Variants in VDAC1 observed in about 807,000 individuals in gnomAD.
VDAC1 encodes the protein voltage dependent anion channel 1.
A neutral mutation model predicts 34.7 loss-of-function variants in VDAC1; 10 were observed. The ratio of observed to expected loss-of-function variants is 0.29; its 90% CI spans 0.18 to 0.49. The LOEUF (loss-of-function observed/expected upper bound fraction) is 0.49. Among genes scored for constraint, VDAC1 ranks in the 20% least tolerant of loss-of-function variants. The pLI is 0.99. For missense variants in VDAC1, 230 were observed against 347.9 expected (o/e 0.66, Z 2.69); for synonymous variants, 130 against 136.0 (o/e 0.96, Z 0.30).
At chr5:134,045,453 T>C in the VDAC1 span, among the ~76,000 whole-genome samples, 1 of 152,182 alleles carries the variant, frequency 6.6e-6, no homozygotes, top group African/African-American at 2.4e-5. Flanking sequence ...TAGGGAAGAA[T>C]CATTTCCTTG....
the VDAC1 span, among the ~76,000 whole-genome samples, chr5:134,058,977 G>A: frequency 6.6e-6 from 1 of 152,222 alleles, no homozygotes; most frequent in African/African-American, 2.4e-5. Context: ...ATGCCCGCGT[G>A]CCAATGCAGA....
At chr5:134,076,160 G>T in the VDAC1 span, among the ~76,000 whole-genome samples, 1 of 151,996 alleles carries the variant, frequency 6.6e-6, no homozygotes, top group East Asian at 1.9e-4. Flanking sequence ...TGTATTTTTA[G>T]TAGAGACAGG....
At chr5:133,982,236 A>T (rs1257742446) in intron 5 of VDAC1, among the ~76,000 whole-genome samples, 3 of 152,248 alleles carry the variant, frequency 2.0e-5, no homozygotes, top group Admixed American at 2.0e-4. Context: ...ACTCGGGGCC[A>T]GGCGCAGTGG....
chr5:133,976,983 GC>G, intron 6 of VDAC1, among the ~76,000 whole-genome samples: 1 of 152,342 alleles, frequency 6.6e-6, no homozygotes, highest in East Asian at 1.9e-4. Flanking sequence ...GGCAGAGGTT[GC>G]AGTGAGCTGA....
intron 4 of VDAC1, 27 bp downstream of exon 4, chr5:133,990,975 T>C (rs1580722466): frequency 6.2e-7 from 1 of 1,611,980 alleles, no homozygotes; most frequent in Non-Finnish European, 8.5e-7. Flanking sequence ...AATTAATAAA[T>C]CCACATCTTT....
At chr5:133,998,977 T>C (rs961996648) in intron 1 of VDAC1, among the ~76,000 whole-genome samples, 1 of 151,970 alleles carries the variant, frequency 6.6e-6, no homozygotes, top group Non-Finnish European at 1.5e-5. Flanking sequence ...CCCCGCCTGG[T>C]AGAAATATGC....
intron 5 of VDAC1, among the ~76,000 whole-genome samples, chr5:133,983,978 T>C (rs898869638): frequency 5.3e-5 from 8 of 152,184 alleles, no homozygotes; most frequent in Admixed American, 4.6e-4. Context: ...GCCGAGCAGA[T>C]GCCTGTGCTC....
At chr5:134,053,247 G>A in the VDAC1 span, among the ~76,000 whole-genome samples, 4 of 152,192 alleles carry the variant, frequency 2.6e-5, no homozygotes. Context: ...TTTTAAATGA[G>A]GAAAATGAAG....
At chr5:134,034,346 G>A in the VDAC1 span, among the ~76,000 whole-genome samples, 1 of 152,154 alleles carries the variant, frequency 6.6e-6, no homozygotes, top group South Asian at 2.1e-4. Context: ...GACCTTCTTT[G>A]GAGACAGGAT....
the VDAC1 span, among the ~76,000 whole-genome samples, chr5:134,077,239 T>TGCACTCCA: frequency 7.2e-6 from 1 of 138,178 alleles, no homozygotes; most frequent in Admixed American, 8.2e-5. Flanking sequence ...ATTGCATCGC[T>TGCACTCCA]GCACTCCAGG....
chr5:134,103,206 C>T, the VDAC1 span, among the ~76,000 whole-genome samples: 3 of 152,298 alleles, frequency 2.0e-5, no homozygotes, highest in Admixed American at 2.0e-4. Flanking sequence ...ACTGTAGCCT[C>T]CACCTCCCAG....
intron 1 of VDAC1, 128 bp downstream of exon 1, chr5:134,004,767 A>T (rs1019975100): frequency 6.7e-6 from 1 of 149,182 alleles, no homozygotes; most frequent in Non-Finnish European, 1.5e-5. Context: ...GGCGGCGCGG[A>T]CGGCGGCGGC....
chr5:133,980,587 C>A (rs1752649909), intron 6 of VDAC1, 142 bp downstream of exon 6: 2 of 719,936 alleles, frequency 2.8e-6, no homozygotes, highest in Non-Finnish European at 4.5e-6. Flanking sequence ...TGTGGCTCAT[C>A]TAATGCCAAC....
chr5:134,022,249 T>C, the VDAC1 span, among the ~76,000 whole-genome samples: 11 of 129,096 alleles, frequency 8.5e-5, no homozygotes, highest in African/African-American at 3.0e-4. Context: ...ACCAGCTCCC[T>C]GGGTTGTTGA....
chr5:134,024,882 TC>T, the VDAC1 span, among the ~76,000 whole-genome samples: 1 of 152,136 alleles, frequency 6.6e-6, no homozygotes, highest in Non-Finnish European at 1.5e-5. Context: ...CTGCACCCAC[TC>T]CCCTACCCCC....
chr5:134,015,013 G>A, the VDAC1 span, among the ~76,000 whole-genome samples: 18 of 152,254 alleles, frequency 1.2e-4, no homozygotes, highest in Middle Eastern at 3.4e-3. Flanking sequence ...TATATATGGC[G>A]GAATACTACA....
At chr5:134,035,978 C>T in the VDAC1 span, among the ~76,000 whole-genome samples, 10 of 142,246 alleles carry the variant, frequency 7.0e-5, no homozygotes, top group Middle Eastern at 3.9e-3. Flanking sequence ...TGCACTCCAA[C>T]CCGGACAACA....
the VDAC1 span, among the ~76,000 whole-genome samples, chr5:134,055,712 GC>G: frequency 6.8e-6 from 1 of 147,484 alleles, no homozygotes; most frequent in African/African-American, 2.5e-5. Context: ...ACAGGCGTGA[GC>G]CACCGCGCCC....
At chr5:134,068,822 A>G in the VDAC1 span, among the ~76,000 whole-genome samples, 1 of 152,094 alleles carries the variant, frequency 6.6e-6, no homozygotes, top group African/African-American at 2.4e-5. Context: ...TTAATAGTAG[A>G]GGTGTTTCTT....
Sources: allele counts gnomAD v4.1 joint callset (sites outside exome capture counted in the v4.1 genomes callset), GRCh38; gene constraint gnomAD v4.1.1; transcripts MANE v1.5; gene names NCBI Gene and HGNC (gene_info 2026-07-23, HGNC 2026-07-21).